The following TLK1 variants were observed in gnomAD, a reference collection of about 807,000 sequenced individuals.
TLK1 encodes the protein tousled like kinase 1.
TLK1 carries 24 observed loss-of-function variants against 105.3 expected under a neutral mutation model. The observed-to-expected ratio is 0.23, with a 90% CI of 0.17 to 0.32. The LOEUF (loss-of-function observed/expected upper bound fraction) is 0.32, where lower values mean the gene tolerates loss of function less well. TLK1 is among the 10% of genes least tolerant of loss of function. The pLI is 1.00. For synonymous variants in TLK1, 321 were observed against 310.4 expected (o/e 1.03, Z -0.36); for missense variants, 558 against 910.5 (o/e 0.61, Z 4.98).
chr2:171,187,057 C>CAAAAAAAAAAAAAAAA (rs71013019), intron 1 of TLK1, among the ~76,000 whole-genome samples: 4 of 34,034 alleles, frequency 1.2e-4, no homozygotes, highest in African/African-American at 2.7e-4. Flanking sequence ...GACTCTGTCT[C>CAAAAAAAAAAAAAAAA]AAAAAAAAAA....
intron 11 of TLK1, among the ~76,000 whole-genome samples, chr2:171,044,028 C>G (rs140913220): frequency 3.3e-5 from 5 of 152,188 alleles, no homozygotes; most frequent in African/African-American, 1.2e-4. Context: ...TACAACAGCT[C>G]AAGAAAATTA....
chr2:171,008,348 A>T (rs577424348), intron 14 of TLK1, among the ~76,000 whole-genome samples: 1 of 152,200 alleles, frequency 6.6e-6, no homozygotes, highest in East Asian at 1.9e-4. Flanking sequence ...AGCTAATTAC[A>T]TATTATTATT....
At chr2:171,184,369 G>A (rs999711676) in intron 1 of TLK1, among the ~76,000 whole-genome samples, 2 of 152,160 alleles carry the variant, frequency 1.3e-5, no homozygotes, top group African/African-American at 2.4e-5. Flanking sequence ...AGTGCCAGGC[G>A]TGGTGCCTCA....
At chr2:171,082,960 A>ATTCAATAATCTATCTTC in intron 2 of TLK1, 108 bp from the exon 3 acceptor site, 5 of 739,560 alleles carry the variant, frequency 6.8e-6, no homozygotes, top group Non-Finnish European at 1.1e-5. Context: ...TTCATAAATA[A>ATTCAATAATCTATCTTC]ATAAAGTATA....
intron 6 of TLK1, among the ~76,000 whole-genome samples, chr2:171,055,658 A>T (rs1454871410): frequency 1.3e-5 from 2 of 152,044 alleles, no homozygotes; most frequent in Non-Finnish European, 2.9e-5. Flanking sequence ...ATAACATTGT[A>T]TCAGCGCTAT....
At chr2:171,210,267 C>CT (rs1200709949) in intron 1 of TLK1, among the ~76,000 whole-genome samples, 2 of 151,584 alleles carry the variant, frequency 1.3e-5, no homozygotes, top group Admixed American at 6.6e-5. Flanking sequence ...CCTTCACGTT[C>CT]TTTTTTTATT....
At chr2:171,190,884 C>T (rs550068601) in intron 1 of TLK1, among the ~76,000 whole-genome samples, 1 of 151,972 alleles carries the variant, frequency 6.6e-6, no homozygotes, top group African/African-American at 2.4e-5. Flanking sequence ...GTTCTTCTGG[C>T]TGGGCGTGGT....
rs1380128517 is a variant in TLK1 at position 171,100,239 on chromosome 2, T to A, written c.259-17387A>T. Among the ~76,000 whole-genome samples, 3 of 152,166 alleles carry A rather than the reference T, an allele frequency of 2.0e-5. No individual in the cohort carries two copies. The East Asian group carries it at 5.8e-4, about 29-fold the overall frequency. On this transcript the variant is annotated intron_variant, in intron 2 of 20. Transcript: ENST00000431350. ...CACCCAGAATGGTTATGCTATGGAT[T>A]GAATATGGTCTGTTCATCTCCACCA...
At chr2:171,166,913 A>G (rs1365171844) in intron 1 of TLK1, among the ~76,000 whole-genome samples, 1 of 152,256 alleles carries the variant, frequency 6.6e-6, no homozygotes, top group Non-Finnish European at 1.5e-5. Flanking sequence ...TCACAAATAT[A>G]ATGCTCATTA....
At chr2:171,094,931 G>A (rs1366811553) in intron 2 of TLK1, among the ~76,000 whole-genome samples, 1 of 152,102 alleles carries the variant, frequency 6.6e-6, no homozygotes, top group African/African-American at 2.4e-5. Flanking sequence ...TCTAAAGGGG[G>A]AGAAGAGGGT....
chr2:171,119,524 T>C (rs1227741694), intron 1 of TLK1, among the ~76,000 whole-genome samples: 1 of 152,242 alleles, frequency 6.6e-6, no homozygotes, highest in Non-Finnish European at 1.5e-5. Flanking sequence ...ACTGAAGTTT[T>C]GCTTTATAAA....
chr2:171,223,759 C>T (rs1432808401), intron 1 of TLK1, among the ~76,000 whole-genome samples: 1 of 151,348 alleles, frequency 6.6e-6, no homozygotes, highest in Non-Finnish European at 1.5e-5. Flanking sequence ...GGATTACAGG[C>T]ATGAGCCACC....
intron 1 of TLK1, among the ~76,000 whole-genome samples, chr2:171,192,727 G>T (rs547191724): frequency 2.0e-5 from 3 of 152,022 alleles, no homozygotes; most frequent in African/African-American, 7.2e-5. Flanking sequence ...GGTAACAAAA[G>T]AAATCAGTCT....
intron 20 of TLK1, among the ~76,000 whole-genome samples, chr2:170,995,184 T>TA (rs1683996056): frequency 1.3e-5 from 2 of 152,102 alleles, no homozygotes; most frequent in Admixed American, 6.5e-5. Flanking sequence ...ACTGATATGT[T>TA]AGAGTTTGAG....
chr2:171,094,253 A>G (rs1294122811), intron 2 of TLK1, among the ~76,000 whole-genome samples: 2 of 152,208 alleles, frequency 1.3e-5, no homozygotes, highest in African/African-American at 2.4e-5. Flanking sequence ...TGAAATTAGT[A>G]GTCTAGAAAA....
At position 171,006,492 on chromosome 2, in the gene TLK1, G is replaced by C; in HGVS notation, c.1750C>G (p.His584Asp). 6.2e-7 allele frequency: 1 copy of C among 1,607,340 alleles called. No homozygotes were observed. The highest frequency in any genetic ancestry group is 8.5e-7 in the Non-Finnish European group (1 of 1,177,498). ...TAATTACCTGGCTTAAGATCATAAT[G>C]TATAATAGGGGGTTTGATCTCATTG... ...YLNEIKPPIIHYDLKPGNILL... is the reference protein window; with the variant it reads ...YLNEIKPPIIDYDLKPGNILL... The change falls in exon 17 of 21, where the codon CAT (histidine) becomes GAT (aspartate). Residue 584 changes from histidine to aspartate, a missense_variant. Transcript: ENST00000431350.
intron 2 of TLK1, among the ~76,000 whole-genome samples, chr2:171,098,709 CA>C (rs1221545434): frequency 1.3e-5 from 2 of 152,076 alleles, no homozygotes; most frequent in African/African-American, 4.8e-5. Flanking sequence ...AATATGGATG[CA>C]AAAATCCTCA....
chr2:171,104,658 T>G (rs150546761), intron 2 of TLK1, among the ~76,000 whole-genome samples: 1 of 152,084 alleles, frequency 6.6e-6, no homozygotes, highest in Non-Finnish European at 1.5e-5. Flanking sequence ...CAAAATACAC[T>G]ACAATGTTCA....
At chr2:171,230,524 C>T (rs1693976883) in intron 1 of TLK1, among the ~76,000 whole-genome samples, 1 of 152,190 alleles carries the variant, frequency 6.6e-6, no homozygotes, top group Admixed American at 6.5e-5. Context: ...CGACACCACC[C>T]TGCACTCTTC....
Sources: gnomAD v4.1 joint callset for allele counts (sites outside exome capture counted in the v4.1 genomes callset) on GRCh38, gnomAD v4.1.1 for gene constraint, MANE v1.5 for transcripts, NCBI Gene and HGNC (gene_info 2026-07-23, HGNC 2026-07-21) for gene names.